Variants in LAMA2 observed in about 807,000 individuals in gnomAD.
The protein encoded by LAMA2 is laminin subunit alpha 2.
A neutral mutation model predicts 364.8 loss-of-function variants in LAMA2; 269 were observed. That is an observed-to-expected ratio of 0.74 (90% CI 0.67 to 0.82). The LOEUF (loss-of-function observed/expected upper bound fraction) is 0.82, where lower values mean the gene tolerates loss of function less well. Ranked by LOEUF, LAMA2 falls within the 40% of genes least tolerant of loss-of-function variation. LAMA2 has a pLI of 0.00. For missense variants in LAMA2, 3,807 were observed against 3,873.2 expected, an observed-to-expected ratio of 0.98 and a Z score of 0.45; for synonymous variants, 1,379 against 1,370.6, an observed-to-expected ratio of 1.01 and a Z score of -0.14.
intron 21 of LAMA2, 99 bp downstream of exon 21, chr6:129,297,964 C>A: frequency 1.1e-6 from 1 of 951,154 alleles, no homozygotes; most frequent in Non-Finnish European, 1.6e-6. Context: ...CAGATTGATA[C>A]AACGTATTTA....
At chr6:129,349,258 G>T (rs746328751) in intron 30 of LAMA2, 40 bp from the exon 31 acceptor site, 1 of 1,481,746 alleles carries the variant, frequency 6.7e-7, no homozygotes. Context: ...TAAAATAAAT[G>T]GATTAAACTT....
intron 34 of LAMA2, 57 bp from the exon 35 acceptor site, chr6:129,383,065 C>A: frequency 7.1e-7 from 1 of 1,401,470 alleles, no homozygotes; most frequent in Non-Finnish European, 1.0e-6. Context: ...GGGAGCTTAT[C>A]TAGCTGTAGC....
intron 1 of LAMA2, among the ~76,000 whole-genome samples, chr6:128,975,148 G>C (rs368714412): frequency 6.6e-6 from 1 of 152,028 alleles, no homozygotes; most frequent in African/African-American, 2.4e-5. Flanking sequence ...CATCGCGCCT[G>C]GCCATGAGTA....
chr6:129,331,343 A>T (rs1775640058), intron 29 of LAMA2, among the ~76,000 whole-genome samples: 1 of 151,246 alleles, frequency 6.6e-6, no homozygotes, highest in Non-Finnish European at 1.5e-5. Flanking sequence ...TGATTATTTC[A>T]TACCTCCCCC....
In LAMA2 at chr6:129,366,457, C is replaced by A. The variant is rs540990815; in HGVS notation, c.4860+96C>A. 50 of 1,375,844 alleles carry A rather than the reference C, an allele frequency of 3.6e-5. 2 individuals are homozygous for A. In the South Asian group the frequency reaches 5.5e-4, roughly 15 times the overall value. The allele number at this position is 1,375,844 out of a possible 1,614,324, so 85.2% of individuals were successfully genotyped here. Reference sequence around the variant, plus strand: ...AATTGGTAAATGTTCTTCCCACAGCCCCAAATCAAGGGACACAACTGTTAG... The same window carrying A: ...AATTGGTAAATGTTCTTCCCACAGCACCAAATCAAGGGACACAACTGTTAG... On this transcript the variant is annotated intron_variant, in intron 33 of 64. Transcript: ENST00000421865.
chr6:129,187,637 A>C (rs1407385669), intron 10 of LAMA2, among the ~76,000 whole-genome samples: 2 of 151,874 alleles, frequency 1.3e-5, no homozygotes, highest in Non-Finnish European at 2.9e-5. Flanking sequence ...GAAGTATTAA[A>C]TACAGGCTGA....
intron 46 of LAMA2, among the ~76,000 whole-genome samples, chr6:129,453,609 C>A (rs1782798956): frequency 6.6e-6 from 1 of 152,050 alleles, no homozygotes; most frequent in Admixed American, 6.6e-5. Context: ...ATTATATCTA[C>A]AAAAGCCCAC....
At chr6:129,379,797 C>G (rs146113061) in intron 34 of LAMA2, among the ~76,000 whole-genome samples, 1 of 152,324 alleles carries the variant, frequency 6.6e-6, no homozygotes, top group East Asian at 1.9e-4. Context: ...TTCCTCTGAG[C>G]TTCTAAAAAA....
At chr6:129,397,464 C>T (rs188665791) in intron 37 of LAMA2, among the ~76,000 whole-genome samples, 20 of 152,280 alleles carry the variant, frequency 1.3e-4, no homozygotes, top group Admixed American at 3.9e-4. Context: ...TCACATCCCC[C>T]AATCCTAGAA....
intron 1 of LAMA2, among the ~76,000 whole-genome samples, chr6:128,905,950 CA>C (rs1777434187): frequency 6.6e-6 from 1 of 151,832 alleles, no homozygotes. Flanking sequence ...CATGTCCCTA[CA>C]AAGGACATGA....
At chr6:129,476,859 A>AAAAT (rs1784090312) in intron 53 of LAMA2, among the ~76,000 whole-genome samples, 1 of 152,220 alleles carries the variant, frequency 6.6e-6, no homozygotes, top group Non-Finnish European at 1.5e-5. Flanking sequence ...ATTATCAATG[A>AAAAT]AAATAAAGAA....
intron 1 of LAMA2, among the ~76,000 whole-genome samples, chr6:128,973,630 G>A (rs1407912304): frequency 6.6e-6 from 1 of 152,158 alleles, no homozygotes; most frequent in Non-Finnish European, 1.5e-5. Flanking sequence ...CTTAGGCAGT[G>A]TTAATTATGA....
intron 40 of LAMA2, among the ~76,000 whole-genome samples, chr6:129,420,485 A>G (rs868214293): frequency 2.0e-5 from 3 of 152,146 alleles, no homozygotes; most frequent in Non-Finnish European, 4.4e-5. Context: ...TTGGCACATT[A>G]ACCCCTGTGG....
chr6:129,157,711 G>A lies in LAMA2; in HGVS notation c.1206+3028G>A, dbSNP rs1167944876. 51 of 1,611,754 alleles carry A rather than the reference G, an allele frequency of 3.2e-5. No homozygotes were observed. The Middle Eastern group carries it at 4.9e-4, about 16-fold the overall frequency. On this transcript the variant is annotated intron_variant, in intron 8 of 64. Coordinates refer to ENST00000421865, the MANE Select transcript of LAMA2 (RefSeq NM_000426.4). ...AAACGTTTGACACACACAACCTCAC[G>A]CATATCTTCGTATGACGGATCACTC...
chr6:129,165,483 A>G, intron 8 of LAMA2, 93 bp from the exon 9 acceptor site: 1 of 767,878 alleles, frequency 1.3e-6, no homozygotes, highest in South Asian at 1.5e-5. Context: ...GCTCTGTATT[A>G]TTAAAACTAC....
intron 1 of LAMA2, among the ~76,000 whole-genome samples, chr6:128,983,302 A>T (rs1783012769): frequency 6.6e-6 from 1 of 151,982 alleles, no homozygotes; most frequent in African/African-American, 2.4e-5. Flanking sequence ...AATGATTGCC[A>T]TTCTAACTGG....
At chr6:129,174,355 T>C (rs1360794700) in intron 9 of LAMA2, among the ~76,000 whole-genome samples, 1 of 152,124 alleles carries the variant, frequency 6.6e-6, no homozygotes, top group African/African-American at 2.4e-5. Context: ...TTCAGCTCTT[T>C]AGACATATTA....
At chr6:128,924,023 G>C (rs1259596177) in intron 1 of LAMA2, among the ~76,000 whole-genome samples, 1 of 152,026 alleles carries the variant, frequency 6.6e-6, no homozygotes, top group African/African-American at 2.4e-5. Context: ...TAACTGCAAG[G>C]GGCTGAGAAG....
chr6:129,048,551 T>TTCTTTCTTTC (rs1490796772), intron 1 of LAMA2, among the ~76,000 whole-genome samples: 2 of 99,026 alleles, frequency 2.0e-5, no homozygotes, highest in African/African-American at 9.8e-5. Context: ...CTTTCTTTCT[T>TTCTTTCTTTC]TCTCTCTCTC....
Sources: gnomAD v4.1 joint callset for allele counts (sites outside exome capture counted in the v4.1 genomes callset) on GRCh38, gnomAD v4.1.1 for gene constraint, MANE v1.5 for transcripts, NCBI Gene and HGNC (gene_info 2026-07-23, HGNC 2026-07-21) for gene names.